The following BAZ1B variants were observed in gnomAD, a reference collection of about 807,000 sequenced individuals.
BAZ1B encodes tyrosine-protein kinase BAZ1B.
Under a neutral mutation model 153.8 loss-of-function variants are expected in BAZ1B, and 22 were observed. That is an observed-to-expected ratio of 0.14 (90% CI 0.10 to 0.20). The LOEUF (loss-of-function observed/expected upper bound fraction) is 0.20. BAZ1B is among the 10% of genes least tolerant of loss of function. BAZ1B has a pLI of 1.00. For missense variants in BAZ1B, 1,325 were observed against 1,799.3 expected (o/e 0.74, Z 4.77); for synonymous variants, 676 against 633.4 (o/e 1.07, Z -1.01).
intron 16 of BAZ1B, among the ~76,000 whole-genome samples, chr7:73,444,802 G>A (rs1554566033): frequency 6.6e-6 from 1 of 151,930 alleles, no homozygotes. Context: ...ATCACCTGAG[G>A]TCGGGAGTTC....
chr7:73,511,293 A>T (rs1194670856), intron 1 of BAZ1B, among the ~76,000 whole-genome samples: 1 of 151,896 alleles, frequency 6.6e-6, no homozygotes, highest in East Asian at 1.9e-4. Flanking sequence ...AAAAAAAATG[A>T]AAAAAATGGA....
At chr7:73,503,606 T>G (rs1790222603) in intron 3 of BAZ1B, among the ~76,000 whole-genome samples, 1 of 152,132 alleles carries the variant, frequency 6.6e-6, no homozygotes, top group South Asian at 2.1e-4. Context: ...AACTCCTAGC[T>G]TCAAGCCAAC....
At chr7:73,469,450 A>G in intron 9 of BAZ1B, 67 bp downstream of exon 9, 1 of 1,573,462 alleles carries the variant, frequency 6.4e-7, no homozygotes. Context: ...ACAGAGGAAA[A>G]GCAGTCCTTA....
chr7:73,442,685 G>C, intron 18 of BAZ1B, 40 bp downstream of exon 18: 1 of 1,597,490 alleles, frequency 6.3e-7, no homozygotes, highest in Non-Finnish European at 8.6e-7. Context: ...GAACCAGCCA[G>C]GCCACTCCTC....
chr7:73,519,958 A>T (rs769781340), intron 1 of BAZ1B, among the ~76,000 whole-genome samples: 29 of 152,302 alleles, frequency 1.9e-4, no homozygotes, highest in East Asian at 1.5e-3. Context: ...TGTTAATCCC[A>T]GTACTTTGGG....
At chr7:73,508,222 T>C in intron 3 of BAZ1B, 105 bp downstream of exon 3, 3 of 1,210,106 alleles carry the variant, frequency 2.5e-6, no homozygotes, top group Non-Finnish European at 3.4e-6. Flanking sequence ...TTAAATATAA[T>C]ACTAAATATA....
chr7:73,509,821 A>G (rs1207927836), intron 2 of BAZ1B, among the ~76,000 whole-genome samples: 1 of 152,078 alleles, frequency 6.6e-6, no homozygotes, highest in Admixed American at 6.6e-5. Flanking sequence ...AGCAAAAAAA[A>G]AAAAAAATTT....
chr7:73,522,282 A>G lies in BAZ1B; in HGVS notation c.-349T>C, dbSNP rs1791098671. On this transcript the variant is annotated 5_prime_UTR_variant, in exon 1 of 20. Transcript: ENST00000339594. ...TTCCCCTCCTCCCCCGGGCCCGGCC[A>G]ACGCACACACTAACTTGCTCCCCCG... The G allele has an allele frequency of 2.7e-6, 1 of 374,832 alleles. No individual in the cohort carries two copies. The highest frequency in any genetic ancestry group is 3.8e-5 in the East Asian group (1 of 26,304). The allele number at this position is 374,832 out of a possible 1,614,324, so 23.2% of individuals were successfully genotyped here.
intron 12 of BAZ1B, among the ~76,000 whole-genome samples, chr7:73,461,603 A>G (rs1788400067): frequency 1.3e-5 from 2 of 152,244 alleles, no homozygotes; most frequent in South Asian, 4.1e-4. Context: ...CCTTTTCCCC[A>G]GGAAATGTAC....
chr7:73,463,239 CTTTTTT>C (rs11340027), intron 11 of BAZ1B, 140 bp from the exon 12 acceptor site: 187 of 466,088 alleles, frequency 4.0e-4, no homozygotes, highest in East Asian at 7.7e-4. Context: ...TTTCTTTTTT[CTTTTTT>C]TTTTTTTTTT....
chr7:73,498,387 G>A (rs1789999641), intron 4 of BAZ1B, 110 bp downstream of exon 4: 1 of 1,003,140 alleles, frequency 1.0e-6, no homozygotes, highest in Non-Finnish European at 1.5e-6. Flanking sequence ...ACAAAATCAT[G>A]TCTACATAAA....
In BAZ1B at chr7:73,450,982, G is replaced by A; in HGVS notation, c.3445C>T (p.Leu1149=). ...CGGATTGCTGTCTTCCATTTCTCCAGTGCAGATGCAACCTAAACAGAGACC... is the reference window on the plus strand; with the variant it reads ...CGGATTGCTGTCTTCCATTTCTCCAATGCAGATGCAACCTAAACAGAGACC... ...MVEEAKVASA[L]EKWKTAIREA... Residue 1149 remains leucine (L), a synonymous_variant, in exon 14 of 20, where the codon CTG becomes TTG. Coordinates refer to ENST00000339594, the MANE Select transcript of BAZ1B (RefSeq NM_032408.4). This position sits in a 1 kb window ranked among gnomAD's most constrained non-coding sequence, Gnocchi z 4.1. 6.2e-7 allele frequency: 1 copy of A among 1,614,150 alleles called. No homozygotes were observed. Among genetic ancestry groups the A allele is most frequent in the Non-Finnish European group, 8.5e-7 (1 of 1,180,036 alleles).
rs1357301357 is a variant in BAZ1B at position 73,469,643 on chromosome 7, G to C, written c.2740C>G (p.Leu914Val). The C allele has an allele frequency of 1.2e-6, 2 of 1,613,912 alleles. No homozygotes were observed. Among genetic ancestry groups the C allele is most frequent in the Non-Finnish European group, 1.7e-6 (2 of 1,179,950 alleles). ...AATCCTGGAACTTCATCTGAGAAGA[G>C]CCAGTATCTACAAATCACAACCAGT... ...GTDRNHNRYW[L>V]FSDEVPGLFI... Residue 914 changes from leucine to valine, a missense_variant, in exon 9 of 20, where the codon CTC (leucine) becomes GTC (valine). Physicochemically the swap from Leu to Val is conservative, Grantham distance 32. This residue lies in a region of BAZ1B where 431 missense variants were observed against 563.5 expected (regional missense o/e 0.76). Transcript: ENST00000339594.
chr7:73,512,308 T>C lies in BAZ1B; in HGVS notation c.108-1456A>G, dbSNP rs1291302578. Among the ~76,000 whole-genome samples, 3 of 152,102 alleles carry C rather than the reference T, an allele frequency of 2.0e-5. No homozygotes were observed. The South Asian group carries it at 6.2e-4, about 31-fold the overall frequency. ...ATGAGTTTTTTGTGTGATTTTTTTT[T>C]TTTTTAGCTGATCAACTGTTTTTAG... On this transcript the variant is annotated intron_variant, in intron 1 of 19. Coordinates refer to ENST00000339594, the MANE Select transcript of BAZ1B (RefSeq NM_032408.4).
rs2116286454 is a variant in BAZ1B, at chr7:73,463,105, A to T, written c.3072-6T>A. 6.3e-7 allele frequency: 1 copy of T among 1,599,780 alleles called. No homozygotes were observed. The highest frequency in any genetic ancestry group is 8.5e-7 in the Non-Finnish European group (1 of 1,174,012). Reference sequence around the variant, plus strand: ...AGTGAATAATGTCCTGGTACCTAGAAGATTTGGGACAAGAGAATGGGGAAA... The same window carrying T: ...AGTGAATAATGTCCTGGTACCTAGATGATTTGGGACAAGAGAATGGGGAAA... On this transcript the variant is annotated splice_polypyrimidine_tract_variant and splice_region_variant and intron_variant, in intron 11 of 19. Coordinates refer to ENST00000339594, the MANE Select transcript of BAZ1B (RefSeq NM_032408.4).
intron 13 of BAZ1B, among the ~76,000 whole-genome samples, chr7:73,452,647 G>A (rs989598169): frequency 2.6e-5 from 4 of 151,478 alleles, no homozygotes; most frequent in Non-Finnish European, 5.9e-5. Context: ...GCTTGAACCC[G>A]GGAGGCGGAG....
In BAZ1B at chr7:73,455,872, C is replaced by T. The variant is rs558719716; in HGVS notation, c.3432+3664G>A. Among the ~76,000 whole-genome samples, 7 of 152,310 alleles carry T rather than the reference C, an allele frequency of 4.6e-5. No individual in the cohort carries two copies. In the South Asian group the frequency reaches 1.5e-3, roughly 32 times the overall value. The stretch of plus-strand genomic sequence containing the variant: ...GGAGGGGACAGATGTTTAGAATATA[C>T]TGGTAAGTGAGAAACTGAAGACTGT... On this transcript the variant is annotated intron_variant, in intron 13 of 19. Transcript: ENST00000339594.
At chr7:73,471,106 G>A (rs1280876757) in intron 7 of BAZ1B, among the ~76,000 whole-genome samples, 2 of 152,148 alleles carry the variant, frequency 1.3e-5, no homozygotes, top group African/African-American at 4.8e-5. Flanking sequence ...AGGACTAACT[G>A]AAACATCTTC....
chr7:73,498,258 C>T (rs1554576614), intron 4 of BAZ1B, among the ~76,000 whole-genome samples: 1 of 152,176 alleles, frequency 6.6e-6, no homozygotes, highest in Non-Finnish European at 1.5e-5. Context: ...CGGCACCCAG[C>T]CCTGCATAGA....
Sources: allele counts gnomAD v4.1 joint callset (sites outside exome capture counted in the v4.1 genomes callset), GRCh38; gene constraint gnomAD v4.1.1; regional missense constraint gnomAD v4.1.1; non-coding constraint Gnocchi (gnomAD v3.1); transcripts MANE v1.5; gene names NCBI Gene and HGNC (gene_info 2026-07-23, HGNC 2026-07-21).